STAMBPL1: variants seen among roughly 807,000 people sequenced by gnomAD.
STAMBPL1 encodes AMSH-like protease.
Under a neutral mutation model 52.9 loss-of-function variants are expected in STAMBPL1, and 44 were observed. The ratio of observed to expected loss-of-function variants is 0.83; its 90% CI spans 0.65 to 1.07. STAMBPL1 has a LOEUF of 1.07. Among genes scored for constraint, STAMBPL1 ranks in the 50% least tolerant of loss-of-function variants. The pLI is 0.00. For missense variants in STAMBPL1, 511 were observed against 520.8 expected (o/e 0.98, Z 0.18); for synonymous variants, 164 against 177.3 (o/e 0.92, Z 0.60).
chr10:88,899,650 C>T (rs1437346991), intron 1 of STAMBPL1, among the ~76,000 whole-genome samples: 2 of 152,142 alleles, frequency 1.3e-5, no homozygotes, highest in East Asian at 3.9e-4. Context: ...GCTGGGATTA[C>T]AGGCGTGCAC....
At chr10:88,882,163 G>T (rs1844421396) in intron 1 of STAMBPL1, 1 of 152,118 alleles carries the variant, frequency 6.6e-6, no homozygotes, top group African/African-American at 2.4e-5. Context: ...AAATTATAAG[G>T]CAGATAACCT....
chr10:88,908,949 T>C (rs1383737665), intron 4 of STAMBPL1, among the ~76,000 whole-genome samples, 172 bp downstream of exon 4: 3 of 152,222 alleles, frequency 2.0e-5, no homozygotes, highest in Non-Finnish European at 4.4e-5. Flanking sequence ...TGATCATCAC[T>C]GAGCCAGTGT....
chr10:88,914,461 T>A, intron 6 of STAMBPL1, 73 bp from the exon 7 acceptor site: 1 of 1,240,286 alleles, frequency 8.1e-7, no homozygotes, highest in Non-Finnish European at 1.0e-6. Context: ...CTGCAACTGT[T>A]TGCCAATAAC....
At chr10:88,910,405 C>T (rs1156374630) in intron 4 of STAMBPL1, among the ~76,000 whole-genome samples, 1 of 152,208 alleles carries the variant, frequency 6.6e-6, no homozygotes, top group African/African-American at 2.4e-5. Context: ...CAGACCCCTT[C>T]TCTACAGGTG....
At chr10:88,916,919 A>T in intron 8 of STAMBPL1, 102 bp downstream of exon 8, 2 of 1,227,408 alleles carry the variant, frequency 1.6e-6, no homozygotes, top group Non-Finnish European at 2.2e-6. Context: ...CTTCTTTTTA[A>T]TTTTTTCAAA....
chr10:88,885,389 T>G (rs1290040845), intron 1 of STAMBPL1, among the ~76,000 whole-genome samples: 3 of 152,248 alleles, frequency 2.0e-5, no homozygotes, highest in Non-Finnish European at 4.4e-5. Flanking sequence ...AATGTTTTTA[T>G]TAAGTTCTTT....
chr10:88,900,579 A>G (rs1014174800), intron 1 of STAMBPL1, among the ~76,000 whole-genome samples: 1 of 152,186 alleles, frequency 6.6e-6, no homozygotes, highest in Admixed American at 6.5e-5. Context: ...TAAAGACTTT[A>G]TGTGCTAACT....
intron 4 of STAMBPL1, among the ~76,000 whole-genome samples, chr10:88,910,714 C>T (rs960926382): frequency 1.3e-5 from 2 of 152,124 alleles, no homozygotes; most frequent in East Asian, 3.8e-4. Flanking sequence ...AAAGGTCTTA[C>T]AAAAGGGATA....
At position 88,919,610 on chromosome 10, in the gene STAMBPL1, A is replaced by G. The variant is rs576554942; in HGVS notation, c.1042-1673A>G. On this transcript the variant is annotated intron_variant, in intron 8 of 10. Transcript: ENST00000371926. ...TTCTCACGAAGACATAGACGGCTCT[A>G]TTTTACAAAGAGAAGGTATTCCTTG... Among the ~76,000 whole-genome samples the G allele has an allele frequency of 5.4e-4, 82 of 152,258 alleles. No homozygotes were observed. The Middle Eastern group carries it at 0.014, about 25-fold the overall frequency.
At chr10:88,912,883 T>C (rs2093566774) in intron 5 of STAMBPL1, 1 of 514,132 alleles carries the variant, frequency 1.9e-6, no homozygotes, top group Admixed American at 3.6e-5. Flanking sequence ...GGCCTGTCTC[T>C]GGTAAAATAT....
At chr10:88,920,333 C>T (rs1239811940) in intron 8 of STAMBPL1, among the ~76,000 whole-genome samples, 1 of 152,172 alleles carries the variant, frequency 6.6e-6, no homozygotes, top group Non-Finnish European at 1.5e-5. Context: ...TTTTAATGGA[C>T]TGTCCTATTT....
At chr10:88,884,262 G>A (rs954824080) in intron 1 of STAMBPL1, among the ~76,000 whole-genome samples, 23 of 152,164 alleles carry the variant, frequency 1.5e-4, no homozygotes, top group East Asian at 1.9e-4. Context: ...AAACGTGGCC[G>A]TTCCTACCAA....
chr10:88,897,600 C>T (rs1311542231), intron 1 of STAMBPL1, among the ~76,000 whole-genome samples: 4 of 152,098 alleles, frequency 2.6e-5, no homozygotes, highest in African/African-American at 7.2e-5. Flanking sequence ...GAGATTAAAG[C>T]GGGCGTTTCT....
intron 8 of STAMBPL1, among the ~76,000 whole-genome samples, chr10:88,920,454 G>A (rs1377921506): frequency 6.6e-6 from 1 of 152,172 alleles, no homozygotes; most frequent in Non-Finnish European, 1.5e-5. Flanking sequence ...GAGTAATGGA[G>A]TCAGGACCTA....
At chr10:88,906,383 T>G (rs769467832) in intron 3 of STAMBPL1, among the ~76,000 whole-genome samples, 1 of 152,252 alleles carries the variant, frequency 6.6e-6, no homozygotes, top group Non-Finnish European at 1.5e-5. Context: ...GGTAACTTAC[T>G]AGTTGAAAGG....
rs113055117 is a variant in STAMBPL1, at chr10:88,908,876, A to T, written c.324+99A>T. The T allele has an allele frequency of 9.8e-3, 9,560 of 978,626 alleles. 131 individuals carry two copies. The highest frequency in any genetic ancestry group is 0.046 in the South Asian group (2,382 of 51,542). The allele number at this position is 978,626 out of a possible 1,614,324, so 60.6% of individuals were successfully genotyped here. A position where few individuals can be genotyped will look rare whatever the true frequency, so the allele number is the denominator to read the frequency against. On this transcript the variant is annotated intron_variant, in intron 4 of 10. Coordinates refer to ENST00000371926, the MANE Select transcript of STAMBPL1 (RefSeq NM_020799.4). ...TCCTCCCCTTTCTCTTTCTCTTGAG[A>T]GTTTGAGCGCAAGAAATTCATTCCA...
rs148096389 is a variant in STAMBPL1 at position 88,913,201 on chromosome 10, C to T, written c.521C>T (p.Ser174Leu). The T allele has an allele frequency of 9.5e-5, 154 of 1,613,718 alleles. No homozygotes were observed. Among genetic ancestry groups the T allele is most frequent in the South Asian group, 2.1e-4 (19 of 91,074 alleles). The part of the protein sequence containing the change: ...IAQMRQQQLE[S>L]EQFLFFEDQL... ...CAGATGCGCCAGCAGCAGCTAGAAT[C>T]GGAGCAGTTTCTGTTTTTCGAAGAT... Residue 174 changes from serine to leucine, a missense_variant, in exon 6 of 11, where the codon TCG becomes TTG. By Grantham distance (145) the Ser-to-Leu change is moderately radical (BLOSUM62 -2). Around this residue, in one of 3 missense-constraint regions of STAMBPL1, gnomAD observed 358 missense variants for 343.5 expected, o/e 1.04. Transcript: ENST00000371926.
chr10:88,912,841 G>T, intron 5 of STAMBPL1: 1 of 398,418 alleles, frequency 2.5e-6, no homozygotes, highest in South Asian at 4.1e-5. Context: ...GTATTTAAAA[G>T]CATTAGGGAA....
In STAMBPL1 at chr10:88,910,949, G is replaced by T; in HGVS notation, c.358G>T (p.Glu120Ter). The T allele has an allele frequency of 1.3e-6, 2 of 1,597,980 alleles. No homozygotes were observed. The highest frequency in any genetic ancestry group is 2.3e-5 in the South Asian group (2 of 85,910). The change falls in exon 5 of 11, where the codon GAA becomes TAA. Residue 120 changes from glutamate to a stop codon, truncating the protein, a stop_gained. Coordinates refer to ENST00000371926, the MANE Select transcript of STAMBPL1 (RefSeq NM_020799.4). LOFTEE classifies it high-confidence loss of function. ...GGAGATTGCATTCCCAAGGACAGAT[G>T]AATTGAAAAACGACCTTTTAAAGAA... Reference protein sequence around the residue: ...LKEIAFPRTDELKNDLLKKYN... With the variant: ...LKEIAFPRTD
Sources: allele counts gnomAD v4.1 joint callset (sites outside exome capture counted in the v4.1 genomes callset), GRCh38; gene constraint gnomAD v4.1.1; regional missense constraint gnomAD v4.1.1; transcripts MANE v1.5; gene names NCBI Gene and HGNC (gene_info 2026-07-23, HGNC 2026-07-21).